SOX5: variants seen among roughly 807,000 people sequenced by gnomAD.
SOX5 encodes the protein SRY-box transcription factor 5.
Under a neutral mutation model 92.0 loss-of-function variants are expected in SOX5, and 9 were observed. The observed-to-expected ratio is 0.10, with a 90% CI of 0.06 to 0.17. The LOEUF is 0.17. Ranked by LOEUF, SOX5 falls within the 10% of genes least tolerant of loss-of-function variation. The pLI is 1.00. For missense variants in SOX5, 642 were observed against 944.5 expected, an observed-to-expected ratio of 0.68 and a Z score of 4.20; for synonymous variants, 344 against 336.3, an observed-to-expected ratio of 1.02 and a Z score of -0.25.
At position 24,235,999 on chromosome 12, in the gene SOX5, T is replaced by C. The variant is rs542062687; in HGVS notation, c.-76-22582A>G. 5.9e-5 allele frequency among the ~76,000 whole-genome samples: 9 copies of C among 152,024 alleles called. No homozygotes were observed. The South Asian group carries it at 1.0e-3, about 18-fold the overall frequency. ...GGTCAGGAAATCAAGACAATCCTGG[T>C]TAACATGGTAAAACCCCACCTCTAC... On this transcript the variant is annotated intron_variant, in intron 3 of 4. Transcript: ENST00000446891.
chr12:23,556,094 T>G (rs1945126432), intron 11 of SOX5, among the ~76,000 whole-genome samples: 3 of 152,166 alleles, frequency 2.0e-5, no homozygotes. Context: ...TAATATTCAC[T>G]AAGGGGTTTT....
intron 4 of SOX5, among the ~76,000 whole-genome samples, chr12:24,083,932 C>T (rs1306796353): frequency 1.3e-5 from 2 of 151,906 alleles, no homozygotes; most frequent in African/African-American, 4.8e-5. Context: ...ACAGCTGACT[C>T]GTGTGGGACG....
At chr12:24,512,620 AG>A (rs1351070168) in intron 1 of SOX5, among the ~76,000 whole-genome samples, 4 of 152,230 alleles carry the variant, frequency 2.6e-5, no homozygotes, top group African/African-American at 7.2e-5. Flanking sequence ...GCATATTCAC[AG>A]GAAGTCATAA....
At chr12:24,127,228 A>G (rs2138423501) in intron 4 of SOX5, among the ~76,000 whole-genome samples, 1 of 151,410 alleles carries the variant, frequency 6.6e-6, no homozygotes, top group South Asian at 2.1e-4. Flanking sequence ...CTGTCTCTAC[A>G]AAAAATACAA....
chr12:24,079,951 T>C (rs530339900), intron 4 of SOX5, among the ~76,000 whole-genome samples: 122 of 152,076 alleles, frequency 8.0e-4, no homozygotes, highest in African/African-American at 2.7e-3. Context: ...ACAGGAGAAC[T>C]AAAAGTAATT....
intron 1 of SOX5, among the ~76,000 whole-genome samples, chr12:23,934,197 T>C: frequency 6.6e-6 from 1 of 151,322 alleles, no homozygotes; most frequent in Non-Finnish European, 1.5e-5. Flanking sequence ...CCCAAAACAA[T>C]TGTGATTACT....
intron 4 of SOX5, among the ~76,000 whole-genome samples, chr12:24,185,850 A>G (rs1955963207): frequency 6.6e-6 from 1 of 152,200 alleles, no homozygotes; most frequent in African/African-American, 2.4e-5. Flanking sequence ...AGGGTCTGCA[A>G]CATGGAAGGT....
chr12:24,537,086 C>A (rs1027187934), intron 1 of SOX5, among the ~76,000 whole-genome samples: 1 of 152,178 alleles, frequency 6.6e-6, no homozygotes, highest in African/African-American at 2.4e-5. Context: ...GAATTCATAT[C>A]TCTGGAGACA....
At chr12:23,813,840 T>C (rs920684271) in intron 3 of SOX5, among the ~76,000 whole-genome samples, 3 of 152,214 alleles carry the variant, frequency 2.0e-5, no homozygotes, top group Admixed American at 6.5e-5. Flanking sequence ...TGCCGAATTA[T>C]TCTTATTGAA....
At chr12:24,278,045 T>G (rs1944697222) in intron 2 of SOX5, among the ~76,000 whole-genome samples, 1 of 152,108 alleles carries the variant, frequency 6.6e-6, no homozygotes, top group South Asian at 2.1e-4. Flanking sequence ...TTCCCAAGAA[T>G]CAGACTTATG....
At chr12:23,890,938 T>A (rs1235245603) in intron 2 of SOX5, among the ~76,000 whole-genome samples, 2 of 152,204 alleles carry the variant, frequency 1.3e-5, no homozygotes, top group Non-Finnish European at 2.9e-5. Context: ...TGCTTTCAAC[T>A]GTGCGAAGAT....
At chr12:24,358,071 A>C (rs1955087185) in intron 2 of SOX5, among the ~76,000 whole-genome samples, 1 of 152,192 alleles carries the variant, frequency 6.6e-6, no homozygotes, top group Admixed American at 6.5e-5. Context: ...ACGGGCATCC[A>C]ATAAATATTT....
chr12:24,249,701 T>C (rs887560433), intron 3 of SOX5, among the ~76,000 whole-genome samples: 1 of 152,220 alleles, frequency 6.6e-6, no homozygotes, highest in Non-Finnish European at 1.5e-5. Context: ...GATCAGCCAG[T>C]AATGAACCAT....
chr12:24,069,185 A>T, intron 4 of SOX5, among the ~76,000 whole-genome samples: 1 of 152,256 alleles, frequency 6.6e-6, no homozygotes, highest in Non-Finnish European at 1.5e-5. Flanking sequence ...TTAAGTGACA[A>T]TGATTTGTGA....
At chr12:23,545,079 G>T (rs1211225495) in intron 12 of SOX5, among the ~76,000 whole-genome samples, 1 of 152,194 alleles carries the variant, frequency 6.6e-6, no homozygotes, top group Non-Finnish European at 1.5e-5. Flanking sequence ...GTAAAATTCA[G>T]TTTTGATAGA....
At chr12:24,268,187 T>A (rs1204260930) in intron 3 of SOX5, among the ~76,000 whole-genome samples, 5 of 152,190 alleles carry the variant, frequency 3.3e-5, no homozygotes, top group African/African-American at 1.2e-4. Context: ...TACATACACT[T>A]GAAACACCCA....
At chr12:23,637,513 T>C (rs1336311378) in intron 8 of SOX5, among the ~76,000 whole-genome samples, 1 of 152,096 alleles carries the variant, frequency 6.6e-6, no homozygotes, top group Non-Finnish European at 1.5e-5. Flanking sequence ...CTCTCTCTCA[T>C]TCCTCCCACC....
intron 3 of SOX5, among the ~76,000 whole-genome samples, chr12:24,226,515 G>C (rs1237893059): frequency 6.6e-6 from 1 of 151,998 alleles, no homozygotes; most frequent in East Asian, 1.9e-4. Context: ...CTATCCCCCA[G>C]GCTGGAGTGC....
intron 6 of SOX5, among the ~76,000 whole-genome samples, chr12:23,718,455 G>A (rs2092631711): frequency 6.6e-6 from 1 of 152,108 alleles, no homozygotes; most frequent in African/African-American, 2.4e-5. Context: ...ACATCTTAAG[G>A]TTCATAATTT....
Sources: gnomAD v4.1 joint callset for allele counts (sites outside exome capture counted in the v4.1 genomes callset) on GRCh38, gnomAD v4.1.1 for gene constraint, MANE v1.5 for transcripts, NCBI Gene and HGNC (gene_info 2026-07-23, HGNC 2026-07-21) for gene names.